Variants in IARS2 observed in about 807,000 individuals in gnomAD.
IARS2 encodes the protein isoleucyl-tRNA synthetase 2, mitochondrial.
IARS2 carries 56 observed loss-of-function variants against 126.3 expected under a neutral mutation model. The observed-to-expected ratio is 0.44, with a 90% CI of 0.36 to 0.55. IARS2 has a LOEUF of 0.55. IARS2 is among the 20% of genes least tolerant of loss of function. The pLI, the probability that IARS2 is intolerant of heterozygous loss-of-function variation, is 0.00. For missense variants in IARS2, 1,127 were observed against 1,245.9 expected, an observed-to-expected ratio of 0.90 and a Z score of 1.44; for synonymous variants, 407 against 441.1, an observed-to-expected ratio of 0.92 and a Z score of 0.97.
intron 17 of IARS2, among the ~76,000 whole-genome samples, 155 bp from the exon 18 acceptor site, chr1:220,138,852 GT>G (rs1657434122): frequency 6.6e-6 from 1 of 151,924 alleles, no homozygotes; most frequent in South Asian, 2.1e-4. Context: ...TGTACTTTTT[GT>G]TTTTTATTTT....
At chr1:220,095,086 T>A (rs956830758) in intron 1 of IARS2, among the ~76,000 whole-genome samples, 8 of 152,228 alleles carry the variant, frequency 5.3e-5, no homozygotes, top group African/African-American at 1.9e-4. Flanking sequence ...TCGCCCAGGC[T>A]GGAGTGCAAT....
In IARS2 at chr1:220,102,412, G is replaced by C. The variant is rs199575981; in HGVS notation, c.749G>C (p.Arg250Thr). 4.5e-5 allele frequency: 72 copies of C among 1,613,496 alleles called. No homozygotes were observed. Among genetic ancestry groups the C allele is most frequent in the Non-Finnish European group, 4.5e-5 (53 of 1,179,840 alleles). The change falls in exon 5 of 23, where the codon AGG becomes ACG. Residue 250 changes from arginine to threonine, a missense_variant and splice_region_variant. Coordinates refer to ENST00000366922, the MANE Select transcript of IARS2 (RefSeq NM_018060.4). ...YKPVFWSPSS[R>T]TALAEAELEY... Reference sequence around the variant, plus strand: ...CCTGTGTTTTGGTCTCCGTCATCTAGGTATATATGCATTTTTCGGTAATTA... The same window carrying C: ...CCTGTGTTTTGGTCTCCGTCATCTACGTATATATGCATTTTTCGGTAATTA...
chr1:220,110,658 C>A, intron 10 of IARS2, 128 bp from the exon 11 acceptor site: 1 of 693,550 alleles, frequency 1.4e-6, no homozygotes, highest in Non-Finnish European at 2.4e-6. Context: ...GCCACTGTGG[C>A]TGGCAAGGTG....
chr1:220,103,322 A>G, intron 7 of IARS2, 125 bp from the exon 8 acceptor site: 1 of 613,006 alleles, frequency 1.6e-6, no homozygotes, highest in South Asian at 2.1e-5. Context: ...TGCTGGGATT[A>G]TAGACATGAG....
At position 220,141,882 on chromosome 1, in the gene IARS2, C is replaced by T; in HGVS notation, c.2494C>T (p.Arg832Cys). 1.9e-6 allele frequency: 3 copies of T among 1,614,126 alleles called. No homozygotes were observed. Among genetic ancestry groups the T allele is most frequent in the East Asian group, 2.2e-5 (1 of 44,858 alleles). Residue 832 changes from arginine (R) to cysteine (C), a missense_variant, in exon 20 of 23, where the codon CGT (arginine) becomes TGT (cysteine). Arg to Cys is a radical substitution (Grantham distance 180). Coordinates refer to ENST00000366922, the MANE Select transcript of IARS2 (RefSeq NM_018060.4). ...AGTTGAAATTTTGGATGTAATAGTT[C>T]GTTCTTTTGCTCCCATTCTTCCTCA... ...ALVEILDVIV[R>C]SFAPILPHLA... is the part of the protein sequence containing the mutation.
At chr1:220,099,336 A>C (rs1656517994) in intron 2 of IARS2, among the ~76,000 whole-genome samples, 1 of 152,226 alleles carries the variant, frequency 6.6e-6, no homozygotes, top group Non-Finnish European at 1.5e-5. Flanking sequence ...ATTAATTTTA[A>C]TATTACATTT....
intron 2 of IARS2, among the ~76,000 whole-genome samples, chr1:220,099,211 C>CAAAAAAAAAAAAAAAAAAA (rs1184799314): frequency 2.0e-5 from 1 of 49,256 alleles, no homozygotes; most frequent in Non-Finnish European, 4.3e-5. Flanking sequence ...GACTCCGTCT[C>CAAAAAAAAAAAAAAAAAAA]AAAAAAAAAA....
intron 14 of IARS2, among the ~76,000 whole-genome samples, chr1:220,130,919 G>C (rs567164402): frequency 1.3e-5 from 2 of 152,158 alleles, no homozygotes; most frequent in African/African-American, 4.8e-5. Flanking sequence ...TTTATTTCTG[G>C]GTTCTCTATT....
Position 220,136,795 on chromosome 1 carries a change from A to G in IARS2, c.1947-14A>G. On this transcript the variant is annotated splice_polypyrimidine_tract_variant and intron_variant, in intron 15 of 22. Transcript: ENST00000366922. The stretch of plus-strand genomic sequence containing the variant: ...ATTGTGTTTATCATTAAAATAGCTG[A>G]TTTGTCCCTTTAGGACAGTGATTGT... The G allele has an allele frequency of 1.5e-6, 2 of 1,359,964 alleles. No homozygotes were observed. Among genetic ancestry groups the G allele is most frequent in the South Asian group, 2.5e-5 (2 of 81,294 alleles). The allele number at this position is 1,359,964 out of a possible 1,614,324, so 84.2% of individuals were successfully genotyped here.
chr1:220,117,127 CTGGAAAGTTTTTTTTTTTTT>C (rs1656928839), intron 12 of IARS2, among the ~76,000 whole-genome samples: 2 of 145,226 alleles, frequency 1.4e-5, no homozygotes, highest in Non-Finnish European at 3.0e-5. Flanking sequence ...AAATTTCACA[CTGGAAAGTTTTTTTTTTTTT>C]TGGAAAGTTT....
chr1:220,110,543 T>C (rs1215521821), intron 10 of IARS2, among the ~76,000 whole-genome samples: 1 of 152,118 alleles, frequency 6.6e-6, no homozygotes, highest in Admixed American at 6.5e-5. Context: ...TTTTTGCATT[T>C]TTAGTAGAGA....
intron 12 of IARS2, among the ~76,000 whole-genome samples, chr1:220,121,211 G>A (rs1262088859): frequency 2.0e-5 from 3 of 152,072 alleles, no homozygotes; most frequent in Non-Finnish European, 2.9e-5. Flanking sequence ...TAGTTACGTT[G>A]TTTCTCGTAA....
chr1:220,118,640 A>G (rs1277058723), intron 12 of IARS2, among the ~76,000 whole-genome samples: 1 of 152,150 alleles, frequency 6.6e-6, no homozygotes, highest in Admixed American at 6.5e-5. Flanking sequence ...ATCATTTCAA[A>G]CAGTTATAAT....
At chr1:220,138,319 A>C (rs1027443408) in intron 17 of IARS2, among the ~76,000 whole-genome samples, 2 of 152,086 alleles carry the variant, frequency 1.3e-5, no homozygotes, top group African/African-American at 2.4e-5. Flanking sequence ...AAAAATACAA[A>C]AATTAGCTGG....
chr1:220,108,262 A>G (rs897157274), intron 10 of IARS2, among the ~76,000 whole-genome samples: 12 of 151,972 alleles, frequency 7.9e-5, no homozygotes, highest in African/African-American at 2.2e-4. Context: ...GGGTTTCACC[A>G]TGTTGGCCAG....
At chr1:220,123,933 T>G (rs185711061) in intron 12 of IARS2, among the ~76,000 whole-genome samples, 1 of 152,384 alleles carries the variant, frequency 6.6e-6, no homozygotes, top group Admixed American at 6.5e-5. Context: ...TGCCAGGTAT[T>G]GTTCTATGTG....
At chr1:220,125,950 C>T (rs1189856331) in intron 13 of IARS2, among the ~76,000 whole-genome samples, 1 of 150,336 alleles carries the variant, frequency 6.7e-6, no homozygotes, top group East Asian at 2.0e-4. Context: ...ACTAAAAATA[C>T]AAAAAAATTA....
At chr1:220,138,316 C>G (rs904150522) in intron 17 of IARS2, among the ~76,000 whole-genome samples, 4 of 151,958 alleles carry the variant, frequency 2.6e-5, no homozygotes, top group Non-Finnish European at 4.4e-5. Context: ...ACTAAAAATA[C>G]AAAAATTAGC....
chr1:220,112,580 A>T (rs939158706), intron 11 of IARS2, among the ~76,000 whole-genome samples: 11 of 142,924 alleles, frequency 7.7e-5, no homozygotes, highest in Non-Finnish European at 1.2e-4. Context: ...TTTTTTTGAA[A>T]CAGGGTCTTG....
Sources: allele counts gnomAD v4.1 joint callset (sites outside exome capture counted in the v4.1 genomes callset), GRCh38; gene constraint gnomAD v4.1.1; transcripts MANE v1.5; gene names NCBI Gene and HGNC (gene_info 2026-07-23, HGNC 2026-07-21).